The following MAPK6 variants were observed in gnomAD, a reference collection of about 807,000 sequenced individuals.
MAPK6 encodes mitogen-activated protein kinase 6.
MAPK6 carries 19 observed loss-of-function variants against 59.3 expected under a neutral mutation model. That is an observed-to-expected ratio of 0.32 (90% confidence interval 0.22 to 0.47). The LOEUF is 0.47. Among genes scored for constraint, MAPK6 ranks in the 20% least tolerant of loss-of-function variants. MAPK6 has a pLI of 1.00. For synonymous variants in MAPK6, 316 were observed against 290.3 expected, an observed-to-expected ratio of 1.09 and a Z score of -0.90; for missense variants, 724 against 847.9, an observed-to-expected ratio of 0.85 and a Z score of 1.81.
intron 2 of MAPK6, among the ~76,000 whole-genome samples, chr15:52,002,554 A>G (rs1213394926): frequency 6.6e-6 from 1 of 152,162 alleles, no homozygotes; most frequent in East Asian, 1.9e-4. Flanking sequence ...GAAAGGAAAT[A>G]AGATTGGGCA....
At chr15:52,021,025 A>G (rs190250305) in intron 1 of MAPK6, among the ~76,000 whole-genome samples, 1 of 152,360 alleles carries the variant, frequency 6.6e-6, no homozygotes, top group East Asian at 1.9e-4. Flanking sequence ...ATATGAGGAT[A>G]TTCTGGAATT....
Position 51,974,728 on chromosome 15 carries a change from C to G in MAPK6, c.-880+2822C>G, listed in dbSNP as rs560021109. ...TAGGAATGGAGAATTTCTTTTTTCC[C>G]CCCCCGCAAGACAGAGTCTTGCTCT... is the stretch of plus-strand genomic sequence containing the variant. On this transcript the variant is annotated intron_variant, in intron 1 of 7. Transcript: ENST00000691380. 2.7e-4 allele frequency among the ~76,000 whole-genome samples: 41 copies of G among 150,342 alleles called. 1 individual carries two copies. Among genetic ancestry groups the G allele is most frequent in the South Asian group, 2.1e-4 (1 of 4,756 alleles).
chr15:52,014,236 T>C (rs2030171080), upstream of MAPK6, among the ~76,000 whole-genome samples: 1 of 152,200 alleles, frequency 6.6e-6, no homozygotes, highest in Admixed American at 6.5e-5. Context: ...TCGCTGTACT[T>C]ATTTTTTCTC....
At chr15:52,027,023 C>G (rs1177856103) in intron 1 of MAPK6, among the ~76,000 whole-genome samples, 2 of 149,816 alleles carry the variant, frequency 1.3e-5, no homozygotes, top group Non-Finnish European at 3.0e-5. Flanking sequence ...GCACTCCAGC[C>G]TGGGCGACAG....
chr15:51,975,262 G>A (rs1456626723), intron 1 of MAPK6, among the ~76,000 whole-genome samples: 1 of 151,732 alleles, frequency 6.6e-6, no homozygotes, highest in Admixed American at 6.6e-5. Context: ...TACTCAACAG[G>A]CCGGGCGCGG....
In MAPK6 at chr15:51,978,783, C is replaced by T. The variant is rs781116535; in HGVS notation, c.-879-4423C>T. 6.6e-5 allele frequency among the ~76,000 whole-genome samples: 10 copies of T among 151,648 alleles called. 1 individual carries two copies. The highest frequency in any genetic ancestry group is 1.5e-4 in the Non-Finnish European group (10 of 67,888). Reference sequence around the variant, plus strand: ...TAACTTATTCCATTTTCACAACAACCCTATAACATAGATTACATTACATTC... The same window carrying T: ...TAACTTATTCCATTTTCACAACAACTCTATAACATAGATTACATTACATTC... On this transcript the variant is annotated intron_variant, in intron 1 of 7. Coordinates refer to the MAPK6 transcript ENST00000691380.
intron 5 of MAPK6, among the ~76,000 whole-genome samples, chr15:52,063,446 G>T (rs79508449): frequency 6.6e-6 from 1 of 152,096 alleles, no homozygotes; most frequent in East Asian, 1.9e-4. Context: ...ATAGGATAGC[G>T]CATTCAGCAG....
At chr15:52,000,064 T>G (rs1324085035) in intron 2 of MAPK6, among the ~76,000 whole-genome samples, 1 of 151,512 alleles carries the variant, frequency 6.6e-6, no homozygotes, top group African/African-American at 2.4e-5. Flanking sequence ...TCACCTCCCC[T>G]GTAGCTGAGA....
chr15:52,042,007 C>G (rs1332443017), intron 1 of MAPK6, among the ~76,000 whole-genome samples: 1 of 152,208 alleles, frequency 6.6e-6, no homozygotes, highest in African/African-American at 2.4e-5. Context: ...AAGAGATTGA[C>G]TGACACAAAT....
At chr15:52,029,468 C>G (rs2030945306) in intron 1 of MAPK6, among the ~76,000 whole-genome samples, 1 of 152,042 alleles carries the variant, frequency 6.6e-6, no homozygotes, top group African/African-American at 2.4e-5. Context: ...TAAATGCCAT[C>G]TGTATGTGAA....
chr15:52,034,523 T>C (rs1053996867), intron 1 of MAPK6, among the ~76,000 whole-genome samples: 6 of 152,110 alleles, frequency 3.9e-5, no homozygotes, highest in African/African-American at 1.4e-4. Flanking sequence ...TTGCCCAGGC[T>C]GGTCTCAAAC....
chr15:52,036,823 TCTCCC>T (rs988038496), intron 1 of MAPK6, among the ~76,000 whole-genome samples: 1 of 150,666 alleles, frequency 6.6e-6, no homozygotes, highest in African/African-American at 2.4e-5. Flanking sequence ...CCTCCCCTCC[TCTCCC>T]CTCCCCTCCC....
chr15:52,001,698 A>G (rs1032618278), intron 2 of MAPK6, among the ~76,000 whole-genome samples: 2 of 151,924 alleles, frequency 1.3e-5, no homozygotes, highest in African/African-American at 4.8e-5. Flanking sequence ...TAGTAGAGAC[A>G]GGGTTTCACC....
intron 1 of MAPK6, among the ~76,000 whole-genome samples, chr15:52,025,093 T>C (rs551809717): frequency 2.0e-5 from 3 of 152,068 alleles, no homozygotes; most frequent in South Asian, 2.1e-4. Flanking sequence ...AAAATAAAAT[T>C]AGCCTGTTGT....
At chr15:52,029,810 C>T (rs1305066726) in intron 1 of MAPK6, among the ~76,000 whole-genome samples, 1 of 152,174 alleles carries the variant, frequency 6.6e-6, no homozygotes. Flanking sequence ...GTCTCAGCCA[C>T]CATTATGTCA....
chr15:51,978,520 A>G (rs1053630156), intron 1 of MAPK6, among the ~76,000 whole-genome samples: 2 of 151,902 alleles, frequency 1.3e-5, no homozygotes, highest in South Asian at 4.1e-4. Context: ...AAATTTCTAT[A>G]GTAAAATGTA....
chr15:52,058,503 A>T, intron 3 of MAPK6, 130 bp from the exon 4 acceptor site: 1 of 678,138 alleles, frequency 1.5e-6, no homozygotes, highest in East Asian at 3.0e-5. Flanking sequence ...AAAGCAATGA[A>T]ACCTGCTGAT....
chr15:52,062,201 C>G (rs1003732567), intron 5 of MAPK6, among the ~76,000 whole-genome samples: 45 of 151,762 alleles, frequency 3.0e-4, no homozygotes, highest in African/African-American at 9.4e-4. Context: ...AGGTACCCAG[C>G]TAATTTTTAG....
At chr15:52,019,602 C>T (rs2141843688) in intron 1 of MAPK6, among the ~76,000 whole-genome samples, 1 of 146,210 alleles carries the variant, frequency 6.8e-6, no homozygotes, top group South Asian at 2.1e-4. Context: ...GCCGGCGCGT[C>T]CCCGCGCGGG....
Sources: gnomAD v4.1 joint callset for allele counts (sites outside exome capture counted in the v4.1 genomes callset) on GRCh38, gnomAD v4.1.1 for gene constraint, MANE v1.5 for transcripts, NCBI Gene and HGNC (gene_info 2026-07-23, HGNC 2026-07-21) for gene names.